HARS2: variants seen among roughly 807,000 people sequenced by gnomAD.
HARS2 encodes the protein histidine--tRNA ligase, mitochondrial.
A neutral mutation model predicts 62.4 loss-of-function variants in HARS2; 40 were observed. The ratio of observed to expected loss-of-function variants is 0.64; its 90% CI spans 0.50 to 0.83. The LOEUF (loss-of-function observed/expected upper bound fraction) is 0.83. Ranked by LOEUF, HARS2 falls within the 40% of genes least tolerant of loss-of-function variation. The probability of loss-of-function intolerance (pLI) is 0.00; values close to 1 mark genes in which losing one functional copy is unlikely to be tolerated. For missense variants in HARS2, 569 were observed against 626.4 expected (o/e 0.91, Z 0.98); for synonymous variants, 228 against 227.0 (o/e 1.00, Z -0.04).
In HARS2 at chr5:140,698,087, C is replaced by T. The variant is rs553101135; in HGVS notation, c.1461+9C>T. 32 of 1,613,280 alleles carry T rather than the reference C, an allele frequency of 2.0e-5. No homozygotes were observed. The highest frequency in any genetic ancestry group is 1.7e-4 in the Middle Eastern group (1 of 6,060). The stretch of plus-strand genomic sequence containing the variant: ...TGGCCAGCAGAGAGGAGGTGAGTGG[C>T]GGCAGCAGAAATAGAAGGGACGAAG... On this transcript the variant is annotated intron_variant, in intron 12 of 12. Coordinates refer to ENST00000230771, the MANE Select transcript of HARS2 (RefSeq NM_012208.4).
At chr5:140,692,875 G>C (rs1032491840) in intron 1 of HARS2, among the ~76,000 whole-genome samples, 1 of 150,552 alleles carries the variant, frequency 6.6e-6, no homozygotes, top group Non-Finnish European at 1.5e-5. Context: ...CTGGGCGACA[G>C]AGTAAGACTC....
In HARS2 at chr5:140,693,920, G is replaced by A. The variant is rs761348032; in HGVS notation, c.184-15G>A. 6.2e-7 allele frequency: 1 copy of A among 1,614,058 alleles called. No individual in the cohort carries two copies. The highest frequency in any genetic ancestry group is 2.2e-5 in the East Asian group (1 of 44,878). On this transcript the variant is annotated splice_polypyrimidine_tract_variant and intron_variant, in intron 2 of 12. Transcript: ENST00000230771. Reference sequence around the variant, plus strand: ...TTTTGTTTTTGTTTTCACTATGGCTGCTTTTGGTTTCCAGGGTACCAGGGA... The same window carrying A: ...TTTTGTTTTTGTTTTCACTATGGCTACTTTTGGTTTCCAGGGTACCAGGGA...
At chr5:140,694,376 G>C in intron 4 of HARS2, 96 bp downstream of exon 4, 1 of 845,648 alleles carries the variant, frequency 1.2e-6, no homozygotes, top group Non-Finnish European at 2.1e-6. Flanking sequence ...GATCTTAGAG[G>C]TCCATTGCCT....
Position 140,698,043 on chromosome 5 carries a change from G to A in HARS2, c.1426G>A (p.Val476Ile), listed in dbSNP as rs1331782643. 2 of 1,614,094 alleles carry A rather than the reference G, an allele frequency of 1.2e-6. No homozygotes were observed. The highest frequency in any genetic ancestry group is 3.3e-5 in the Admixed American group (2 of 60,000). Residue 476 changes from valine to isoleucine, a missense_variant, in exon 12 of 13, where the codon GTC (valine) becomes ATC (isoleucine). Coordinates refer to ENST00000230771, the MANE Select transcript of HARS2 (RefSeq NM_012208.4). Reference sequence around the variant, plus strand: ...TGGTGAGCAAGAACTGAAAGAAGGGGTCATCAAGATCCGTTCAGTGGCCAG... The same window carrying A: ...TGGTGAGCAAGAACTGAAAGAAGGGATCATCAAGATCCGTTCAGTGGCCAG... ...IIGEQELKEG[V>I]IKIRSVASRE...
chr5:140,696,295 G>C, intron 7 of HARS2, 94 bp downstream of exon 7: 1 of 996,602 alleles, frequency 1.0e-6, no homozygotes, highest in Non-Finnish European at 1.6e-6. Context: ...ATTGTGGCTG[G>C]AAGTGGGCTA....
rs1046838507 is a variant in HARS2 at position 140,698,899 on chromosome 5, G to C, written c.*347G>C. The C allele has an allele frequency of 6.4e-5, 23 of 358,042 alleles. No individual in the cohort carries two copies. The highest frequency in any genetic ancestry group is 1.2e-4 in the Non-Finnish European group (22 of 187,566). The allele number at this position is 358,042 out of a possible 1,614,324, so 22.2% of individuals were successfully genotyped here. Reference sequence around the variant, plus strand: ...CTCAGGCTCAGGATTCTGAACCATTGAGATCAGAAACCAGATACTTAGCCT... The same window carrying C: ...CTCAGGCTCAGGATTCTGAACCATTCAGATCAGAAACCAGATACTTAGCCT... On this transcript the variant is annotated 3_prime_UTR_variant, in exon 13 of 13. Coordinates refer to ENST00000230771, the MANE Select transcript of HARS2 (RefSeq NM_012208.4).
At position 140,693,610 on chromosome 5, in the gene HARS2, C is replaced by T; in HGVS notation, c.128C>T (p.Thr43Ile). 6.2e-7 allele frequency: 1 copy of T among 1,614,026 alleles called. No homozygotes were observed. Among genetic ancestry groups the T allele is most frequent in the East Asian group, 2.2e-5 (1 of 44,882 alleles). Residue 43 changes from threonine to isoleucine, a missense_variant, in exon 2 of 13, where the codon ACA becomes ATA. Thr to Ile is a moderately conservative substitution (Grantham distance 89). Coordinates refer to ENST00000230771, the MANE Select transcript of HARS2 (RefSeq NM_012208.4). ...TGCCAGGTTGCAGAGGCAGTGTTAACATCCCAACTGAAAGCACATCAAGAG... is the reference window on the plus strand; with the variant it reads ...TGCCAGGTTGCAGAGGCAGTGTTAATATCCCAACTGAAAGCACATCAAGAG... ...CQSQVAEAVL[T>I]SQLKAHQEKP...
Position 140,696,020 on chromosome 5 carries a change from G to T in HARS2, c.634-83G>T, listed in dbSNP as rs532448051. 23 of 1,076,070 alleles carry T rather than the reference G, an allele frequency of 2.1e-5. No homozygotes were observed. The East Asian group carries it at 5.4e-4, about 25-fold the overall frequency. The allele number at this position is 1,076,070 out of a possible 1,614,324, so 66.7% of individuals were successfully genotyped here. ...TTCCTGTGAAATTTCCATCCTTTTT[G>T]TGTGTCAGGAAAGTAGGTACTGCCA... is the stretch of plus-strand genomic sequence containing the variant. On this transcript the variant is annotated intron_variant, in intron 6 of 12. Coordinates refer to ENST00000230771, the MANE Select transcript of HARS2 (RefSeq NM_012208.4).
intron 10 of HARS2, 73 bp from the exon 11 acceptor site, chr5:140,697,496 T>G (rs1759798316): frequency 6.2e-7 from 1 of 1,605,792 alleles, no homozygotes. Context: ...CTGATGATTC[T>G]TTTTGTCTTG....
chr5:140,691,910 C>G, intron 1 of HARS2, 154 bp downstream of exon 1: 1 of 649,346 alleles, frequency 1.5e-6, no homozygotes, highest in Admixed American at 2.4e-5. Flanking sequence ...GATGCCTGGT[C>G]ATTTAATCCT....
In HARS2 at chr5:140,693,672, C is replaced by T. The variant is rs776340421; in HGVS notation, c.183+7C>T. On this transcript the variant is annotated splice_region_variant and intron_variant, in intron 2 of 12. Coordinates refer to ENST00000230771, the MANE Select transcript of HARS2 (RefSeq NM_012208.4). ...TATTATCAAGACCCCAAAGGTAATA[C>T]TTTTTGCCTACCCTATCCCATTAGA... The T allele has an allele frequency of 1.6e-5, 25 of 1,609,574 alleles. No individual in the cohort carries two copies. The highest frequency in any genetic ancestry group is 2.0e-5 in the Non-Finnish European group (23 of 1,175,932).
chr5:140,694,102 G>A (rs1759655919), intron 3 of HARS2, 48 bp downstream of exon 3: 1 of 1,612,572 alleles, frequency 6.2e-7, no homozygotes, highest in East Asian at 2.2e-5. Flanking sequence ...CTTCTTCAAT[G>A]GCGTTCAGTG....
chr5:140,697,863 T>C (rs962532143), intron 11 of HARS2, 69 bp from the exon 12 acceptor site: 2 of 1,526,908 alleles, frequency 1.3e-6, no homozygotes, highest in African/African-American at 2.7e-5. Flanking sequence ...CTTTCTTGGA[T>C]ATCCATGTTC....
Position 140,691,722 on chromosome 5 carries a change from C to T in HARS2, c.74C>T (p.Ala25Val), listed in dbSNP as rs1384337102. 1.3e-6 allele frequency: 2 copies of T among 1,552,414 alleles called. No homozygotes were observed. Among genetic ancestry groups the T allele is most frequent in the African/African-American group, 2.7e-5 (2 of 73,186 alleles). Residue 25 changes from alanine to valine, a missense_variant, in exon 1 of 13, where the codon GCT becomes GTT. Ala to Val is a moderately conservative substitution (Grantham distance 64, BLOSUM62 0). Coordinates refer to ENST00000230771, the MANE Select transcript of HARS2 (RefSeq NM_012208.4). ...AGCCAGCTCCTGCGACCGCCCTGCG[C>T]TTCGTGCACCGGGGCGGTCCGTTGC... The part of the protein sequence containing the change: ...LLSQLLRPPC[A>V]SCTGAVRCQS...
intron 4 of HARS2, among the ~76,000 whole-genome samples, chr5:140,694,987 C>G (rs867328452): frequency 3.3e-5 from 5 of 152,126 alleles, no homozygotes; most frequent in South Asian, 2.1e-4. Flanking sequence ...GTCTTTGTTG[C>G]CCAGGCTGGT....
Position 140,695,825 on chromosome 5 carries a change from T to G in HARS2, c.613T>G (p.Leu205Val). 1.2e-6 allele frequency: 2 copies of G among 1,610,926 alleles called. No individual in the cohort carries two copies. The highest frequency in any genetic ancestry group is 1.7e-6 in the Non-Finnish European group (2 of 1,177,032). ...GTGTGAAATCCTAAGTGGATTGCAG[T>G]TGGGAGACTTTCTCATTAAGGTGAG... ...IMCEILSGLQ[L>V]GDFLIKVNDR... Residue 205 changes from leucine (L) to valine (V), a missense_variant, in exon 6 of 13, where the codon TTG (leucine) becomes GTG (valine). Coordinates refer to ENST00000230771, the MANE Select transcript of HARS2 (RefSeq NM_012208.4).
rs776336180 is a variant in HARS2 at position 140,696,578 on chromosome 5, G to A, written c.790G>A (p.Val264Met). Residue 264 changes from valine (V) to methionine (M), a missense_variant, in exon 8 of 13, where the codon GTG becomes ATG. Val to Met is a conservative substitution (Grantham distance 21). Coordinates refer to ENST00000230771, the MANE Select transcript of HARS2 (RefSeq NM_012208.4). The part of the protein sequence containing the change: ...MVVKKGLAPE[V>M]ADRIGDYVQC... ...GGTGAAGAAAGGCCTGGCTCCTGAG[G>A]TGGCTGATCGAATTGGGGACTATGT... The A allele has an allele frequency of 1.9e-6, 3 of 1,613,590 alleles. No homozygotes were observed. Among genetic ancestry groups the A allele is most frequent in the Non-Finnish European group, 2.5e-6 (3 of 1,179,592 alleles).
rs746449086 is a variant in HARS2 at position 140,695,647 on chromosome 5, TG to T, written c.525+17del. 15 of 1,614,212 alleles carry T rather than the reference TG, an allele frequency of 9.3e-6. No homozygotes were observed. Among genetic ancestry groups the T allele is most frequent in the Middle Eastern group, 3.3e-4 (2 of 6,062 alleles). On this transcript the variant is annotated intron_variant, in intron 5 of 12. Coordinates refer to ENST00000230771, the MANE Select transcript of HARS2 (RefSeq NM_012208.4). ...TTCTGCCAGTGTGTAAGTGACCTGA[TG>T]GGAGCAGCACAGTTTGATAGTTCTA...
Position 140,696,667 on chromosome 5 carries a change from T to TTCAGA in HARS2, c.826+53_826+54insTCAGA, listed in dbSNP as rs1759756068. 2.4e-6 allele frequency: 3 copies of TTCAGA among 1,229,456 alleles called. No homozygotes were observed. In the East Asian group the frequency reaches 7.0e-5, roughly 28 times the overall value. The allele number at this position is 1,229,456 out of a possible 1,614,324, so 76.2% of individuals were successfully genotyped here. On this transcript the variant is annotated intron_variant, in intron 8 of 12. Transcript: ENST00000230771. The stretch of plus-strand genomic sequence containing the variant: ...ATAGAACCAGGCTGAAGGTGACATG[T>TTCAGA]GCTCAAATTCTACCTCTGAAACAAC...
Sources: gnomAD v4.1 joint callset for allele counts (sites outside exome capture counted in the v4.1 genomes callset) on GRCh38, gnomAD v4.1.1 for gene constraint, MANE v1.5 for transcripts, NCBI Gene and HGNC (gene_info 2026-07-23, HGNC 2026-07-21) for gene names.